PPP1R12B: variants seen among roughly 807,000 people sequenced by gnomAD.
PPP1R12B encodes protein phosphatase 1 regulatory subunit 12B.
Under a neutral mutation model 126.1 loss-of-function variants are expected in PPP1R12B, and 76 were observed. That is an observed-to-expected ratio of 0.60 (90% CI 0.50 to 0.73). The LOEUF is 0.73. Ranked by LOEUF, PPP1R12B falls within the 30% of genes least tolerant of loss-of-function variation. PPP1R12B has a pLI of 0.00. For missense variants in PPP1R12B, 1,052 were observed against 1,205.1 expected, an observed-to-expected ratio of 0.87 and a Z score of 1.88; for synonymous variants, 356 against 434.7, an observed-to-expected ratio of 0.82 and a Z score of 2.25.
At chr1:202,366,721 C>T (rs926604499) in intron 1 of PPP1R12B, among the ~76,000 whole-genome samples, 1 of 152,044 alleles carries the variant, frequency 6.6e-6, no homozygotes, top group Non-Finnish European at 1.5e-5. Flanking sequence ...GATTATAATG[C>T]TTTTGATGAC....
chr1:202,471,580 T>G (rs1010827228), intron 13 of PPP1R12B, among the ~76,000 whole-genome samples: 19 of 151,462 alleles, frequency 1.3e-4, no homozygotes, highest in African/African-American at 4.6e-4. Context: ...AAAATGTTTT[T>G]TTTTTTTTTT....
chr1:202,412,314 T>C (rs1667497115), intron 1 of PPP1R12B, among the ~76,000 whole-genome samples: 1 of 152,098 alleles, frequency 6.6e-6, no homozygotes, highest in Admixed American at 6.6e-5. Flanking sequence ...GATTTGGGAT[T>C]TATAAGACAC....
chr1:202,546,807 A>G (rs1275147705), intron 18 of PPP1R12B, among the ~76,000 whole-genome samples: 8 of 152,340 alleles, frequency 5.3e-5, no homozygotes, highest in South Asian at 4.1e-4. Context: ...GATTGAAGCC[A>G]TAAGAGTGGT....
intron 18 of PPP1R12B, among the ~76,000 whole-genome samples, chr1:202,511,556 C>T (rs769425695): frequency 6.6e-6 from 1 of 151,922 alleles, no homozygotes; most frequent in African/African-American, 2.4e-5. Context: ...CCACCCTTCC[C>T]CCTGAGTCCC....
intron 13 of PPP1R12B, among the ~76,000 whole-genome samples, chr1:202,479,416 G>A (rs1558280191): frequency 6.6e-6 from 1 of 152,140 alleles, no homozygotes; most frequent in Non-Finnish European, 1.5e-5. Flanking sequence ...TGGAGAGAAG[G>A]AAACCTTAAA....
intron 23 of PPP1R12B, among the ~76,000 whole-genome samples, chr1:202,579,018 C>T (rs1024089726): frequency 4.6e-5 from 7 of 152,178 alleles, no homozygotes; most frequent in Non-Finnish European, 7.3e-5. Context: ...CTTTTCATTT[C>T]CCCATTTGTA....
At chr1:202,364,352 C>A (rs1006534521) in intron 1 of PPP1R12B, among the ~76,000 whole-genome samples, 2 of 151,970 alleles carry the variant, frequency 1.3e-5, no homozygotes, top group African/African-American at 4.8e-5. Context: ...TATTCATGTT[C>A]CAAGATAACT....
intron 1 of PPP1R12B, among the ~76,000 whole-genome samples, chr1:202,411,083 T>A (rs1667318516): frequency 6.6e-6 from 1 of 152,088 alleles, no homozygotes; most frequent in African/African-American, 2.4e-5. Context: ...GTTTTATAAG[T>A]GGGCGAATCT....
intron 1 of PPP1R12B, among the ~76,000 whole-genome samples, chr1:202,400,581 A>G (rs1361355023): frequency 3.3e-5 from 5 of 152,214 alleles, no homozygotes; most frequent in Non-Finnish European, 7.3e-5. Flanking sequence ...AGCATGTGTA[A>G]ATATATGAGG....
chr1:202,521,361 C>A (rs1349613637), intron 18 of PPP1R12B, among the ~76,000 whole-genome samples: 1 of 152,034 alleles, frequency 6.6e-6, no homozygotes, highest in African/African-American at 2.4e-5. Context: ...CATGAAAAAG[C>A]AGTCAAGAGA....
chr1:202,510,957 G>T (rs697451), intron 18 of PPP1R12B, among the ~76,000 whole-genome samples: 77,627 of 144,632 alleles, frequency 0.54, 21,146 homozygotes, highest in East Asian at 0.71. Flanking sequence ...TAATTTATAT[G>T]TATTAATTTA....
At chr1:202,367,623 CAT>C (rs1463978350) in intron 1 of PPP1R12B, among the ~76,000 whole-genome samples, 2 of 152,194 alleles carry the variant, frequency 1.3e-5, no homozygotes, top group Non-Finnish European at 2.9e-5. Flanking sequence ...CAGCTACACA[CAT>C]GGCTTGCAAA....
intron 18 of PPP1R12B, among the ~76,000 whole-genome samples, chr1:202,543,240 A>G (rs1241370770): frequency 6.6e-6 from 1 of 152,128 alleles, no homozygotes; most frequent in East Asian, 1.9e-4. Flanking sequence ...CTAGAAAACA[A>G]ACTTTTATTA....
chr1:202,411,936 A>G (rs1352967869), intron 1 of PPP1R12B, among the ~76,000 whole-genome samples: 1 of 152,160 alleles, frequency 6.6e-6, no homozygotes, highest in African/African-American at 2.4e-5. Flanking sequence ...AAGTGCTGGG[A>G]CTACAGGTGT....
intron 1 of PPP1R12B, among the ~76,000 whole-genome samples, chr1:202,388,091 G>A (rs564507586): frequency 6.6e-6 from 1 of 150,952 alleles, no homozygotes. Flanking sequence ...GAATGTAATG[G>A]GAAAGAGGAT....
At chr1:202,388,840 T>C (rs1158419238) in intron 1 of PPP1R12B, among the ~76,000 whole-genome samples, 1 of 152,156 alleles carries the variant, frequency 6.6e-6, no homozygotes, top group African/African-American at 2.4e-5. Context: ...AATAGTCAAG[T>C]AAATCCCTCA....
chr1:202,459,406 A>G (rs1190133454), intron 13 of PPP1R12B, among the ~76,000 whole-genome samples: 1 of 152,206 alleles, frequency 6.6e-6, no homozygotes, highest in Non-Finnish European at 1.5e-5. Context: ...TGAAGAGTAA[A>G]TATAATAGAG....
chr1:202,377,319 CT>C (rs775692123), intron 1 of PPP1R12B, among the ~76,000 whole-genome samples: 180 of 141,586 alleles, frequency 1.3e-3, no homozygotes, highest in African/African-American at 1.3e-3. Context: ...AGGGTAGTAT[CT>C]TTTTTTTTTT....
rs1036612310 is a variant in PPP1R12B at position 202,584,787 on chromosome 1, T to G, written c.*4227T>G. 5 of 152,204 alleles carry G rather than the reference T, an allele frequency of 3.3e-5. No individual in the cohort carries two copies. Among genetic ancestry groups the G allele is most frequent in the African/African-American group, 9.7e-5 (4 of 41,444 alleles). The allele number at this position is 152,204 out of a possible 1,614,324, so 9.4% of individuals were successfully genotyped here. On this transcript the variant is annotated 3_prime_UTR_variant, in exon 24 of 24. Transcript: ENST00000608999. ...AAAGAAAGCAGAAAGGATTCAGCAT[T>G]TAAGCAGAAAGAAAAGGGAAATTCT... is the stretch of plus-strand genomic sequence containing the variant.
Sources: allele counts gnomAD v4.1 joint callset (sites outside exome capture counted in the v4.1 genomes callset), GRCh38; gene constraint gnomAD v4.1.1; transcripts MANE v1.5; gene names NCBI Gene and HGNC (gene_info 2026-07-23, HGNC 2026-07-21).